ITPR1: variants seen among roughly 807,000 people sequenced by gnomAD.
ITPR1 encodes the protein inositol 1,4,5-trisphosphate receptor type 1, also known as inositol 1,4,5-trisphosphate-gated calcium channel ITPR1.
A neutral mutation model predicts 318.4 loss-of-function variants in ITPR1; 96 were observed. The observed-to-expected ratio is 0.30, with a 90% CI of 0.26 to 0.36. The LOEUF is 0.36. Among genes scored for constraint, ITPR1 ranks in the 10% least tolerant of loss-of-function variants. ITPR1 has a pLI of 1.00. For synonymous variants in ITPR1, 1,312 were observed against 1,289.9 expected, an observed-to-expected ratio of 1.02 and a Z score of -0.37; for missense variants, 2,440 against 3,460.2, an observed-to-expected ratio of 0.71 and a Z score of 7.40.
intron 10 of ITPR1, among the ~76,000 whole-genome samples, chr3:4,648,834 A>T (rs919850195): frequency 1.3e-4 from 20 of 152,216 alleles, no homozygotes; most frequent in African/African-American, 4.6e-4. Flanking sequence ...GTTTTGTTAC[A>T]ATACTGTACA....
chr3:4,535,409 T>C (rs2124961384), intron 4 of ITPR1, among the ~76,000 whole-genome samples: 1 of 151,076 alleles, frequency 6.6e-6, no homozygotes, highest in Non-Finnish European at 1.5e-5. Flanking sequence ...TGACTTTATG[T>C]GAAGGAAAAT....
intron 4 of ITPR1, among the ~76,000 whole-genome samples, chr3:4,561,203 C>T (rs2125016851): frequency 6.6e-6 from 1 of 152,266 alleles, no homozygotes; most frequent in Middle Eastern, 3.4e-3. Context: ...ATCTACTTGG[C>T]CTAGTAGCTG....
intron 57 of ITPR1, 43 bp downstream of exon 57, chr3:4,813,277 C>T: frequency 7.3e-7 from 1 of 1,362,620 alleles, no homozygotes; most frequent in South Asian, 1.3e-5. Context: ...TATCGGACTC[C>T]TCCAGAGGCT....
intron 4 of ITPR1, among the ~76,000 whole-genome samples, chr3:4,586,465 C>T (rs1327721254): frequency 6.6e-6 from 1 of 150,652 alleles, no homozygotes; most frequent in Non-Finnish European, 1.5e-5. Context: ...CTGCTTCTTA[C>T]TGCTATTTAA....
At chr3:4,605,675 G>C (rs961758612) in intron 4 of ITPR1, among the ~76,000 whole-genome samples, 5 of 152,192 alleles carry the variant, frequency 3.3e-5, no homozygotes, top group Admixed American at 1.3e-4. Flanking sequence ...ACTCGGTATA[G>C]AGTGGTCCAT....
chr3:4,637,330 T>C (rs2093221419), intron 5 of ITPR1, among the ~76,000 whole-genome samples: 2 of 152,156 alleles, frequency 1.3e-5, no homozygotes, highest in African/African-American at 4.8e-5. Flanking sequence ...TGCAGTCCAA[T>C]GTTATGTTTG....
chr3:4,791,616 A>T (rs376539180), intron 52 of ITPR1, among the ~76,000 whole-genome samples: 17 of 152,134 alleles, frequency 1.1e-4, no homozygotes, highest in African/African-American at 3.9e-4. Flanking sequence ...CCCCTGCTAT[A>T]AGGTACAGTG....
intron 5 of ITPR1, 154 bp from the exon 6 acceptor site, chr3:4,639,230 C>G (rs2093278384): frequency 1.6e-6 from 1 of 606,164 alleles, no homozygotes; most frequent in South Asian, 2.2e-5. Flanking sequence ...GTTTGAACCC[C>G]TTGGCTCATT....
chr3:4,778,036 T>A (rs180991105), intron 48 of ITPR1, among the ~76,000 whole-genome samples: 1 of 152,310 alleles, frequency 6.6e-6, no homozygotes, highest in Non-Finnish European at 1.5e-5. Context: ...CTCAAACAGC[T>A]TAACGGAATG....
At chr3:4,765,978 T>C (rs2045791591) in intron 44 of ITPR1, among the ~76,000 whole-genome samples, 1 of 152,254 alleles carries the variant, frequency 6.6e-6, no homozygotes, top group Admixed American at 6.5e-5. Flanking sequence ...TCACCAGCTC[T>C]GAGCATTTAT....
chr3:4,806,297 T>A, intron 55 of ITPR1, 30 bp downstream of exon 55: 1 of 1,603,682 alleles, frequency 6.2e-7, no homozygotes, highest in Non-Finnish European at 8.5e-7. Flanking sequence ...ATATTTTATG[T>A]GTGGGGAAAC....
intron 44 of ITPR1, among the ~76,000 whole-genome samples, chr3:4,737,541 TA>T (rs1413348512): frequency 6.6e-6 from 1 of 152,148 alleles, no homozygotes; most frequent in African/African-American, 2.4e-5. Flanking sequence ...CGAGGAGTGC[TA>T]TGTAGAAGTG....
At chr3:4,822,691 C>T (rs540609173) in intron 60 of ITPR1, among the ~76,000 whole-genome samples, 1 of 152,284 alleles carries the variant, frequency 6.6e-6, no homozygotes, top group South Asian at 2.1e-4. Context: ...TGTCCTTCAA[C>T]TCAAGCACCT....
rs2093352829 is a variant in ITPR1, at chr3:4,642,175, C to T, written c.449C>T (p.Thr150Ile). The change falls in exon 7 of 62, where the codon ACA becomes ATA. Residue 150 changes from threonine to isoleucine, a missense_variant. By Grantham distance (89) the Thr-to-Ile change is moderately conservative. Around this residue, in one of 23 missense-constraint regions of ITPR1, gnomAD observed 186 missense variants for 323.9 expected, o/e 0.57. Coordinates refer to ENST00000649015, the MANE Select transcript of ITPR1 (RefSeq NM_001378452.1). ...ALLEKNAMRVTLDEAGNEGSW... is the reference protein window; with the variant it reads ...ALLEKNAMRVILDEAGNEGSW... ...TTGGAGAAGAATGCCATGAGAGTCA[C>T]ATTGGACGAGGCTGGAAATGAAGGG... 1.2e-6 allele frequency: 2 copies of T among 1,609,432 alleles called. No individual in the cohort carries two copies. The highest frequency in any genetic ancestry group is 1.7e-6 in the Non-Finnish European group (2 of 1,177,496).
chr3:4,536,333 G>A (rs191313135), intron 4 of ITPR1, among the ~76,000 whole-genome samples: 65 of 152,324 alleles, frequency 4.3e-4, no homozygotes, highest in Non-Finnish European at 8.2e-4. Flanking sequence ...AGAATTGGAA[G>A]GGTGAGGTAT....
chr3:4,777,410 G>T, intron 48 of ITPR1, 36 bp downstream of exon 48: 1 of 1,323,418 alleles, frequency 7.6e-7, no homozygotes, highest in South Asian at 1.3e-5. Flanking sequence ...CAGTCATTTG[G>T]AAACAGTCAC....
chr3:4,812,275 C>A (rs547370854), intron 56 of ITPR1, among the ~76,000 whole-genome samples: 26 of 152,042 alleles, frequency 1.7e-4, no homozygotes, highest in Non-Finnish European at 2.4e-4. Flanking sequence ...TGGGCTCAGG[C>A]GATCCCCCAG....
Position 4,728,565 on chromosome 3 carries a change from T to C in ITPR1, c.5220+1392T>C, listed in dbSNP as rs151164627. Among the ~76,000 whole-genome samples, 357 of 152,378 alleles carry C rather than the reference T, an allele frequency of 2.3e-3. 1 individual carries two copies. The highest frequency in any genetic ancestry group is 7.8e-3 in the African/African-American group (323 of 41,588). Reference sequence around the variant, plus strand: ...CATGGAGAATGGGGTATCCATCCCCTCAAGCATTTATCCTTTGAGTTGCAA... The same window carrying C: ...CATGGAGAATGGGGTATCCATCCCCCCAAGCATTTATCCTTTGAGTTGCAA... On this transcript the variant is annotated intron_variant, in intron 42 of 61. Transcript: ENST00000649015.
At chr3:4,534,107 G>A (rs1391608437) in intron 4 of ITPR1, among the ~76,000 whole-genome samples, 1 of 152,192 alleles carries the variant, frequency 6.6e-6, no homozygotes, top group Non-Finnish European at 1.5e-5. Context: ...ATGTCCAGAG[G>A]CTACTTCTTT....
Sources: allele counts gnomAD v4.1 joint callset (sites outside exome capture counted in the v4.1 genomes callset), GRCh38; gene constraint gnomAD v4.1.1; regional missense constraint gnomAD v4.1.1; transcripts MANE v1.5; gene names NCBI Gene and HGNC (gene_info 2026-07-23, HGNC 2026-07-21).